Variants in NAV1 observed in about 807,000 individuals in gnomAD.
NAV1 encodes pore membrane and/or filament interacting like protein 3.
A neutral mutation model predicts 175.2 loss-of-function variants in NAV1; 18 were observed. The observed-to-expected ratio is 0.10, with a 90% confidence interval of 0.07 to 0.15. The LOEUF (loss-of-function observed/expected upper bound fraction) is 0.15. Ranked by LOEUF, NAV1 falls within the 10% of genes least tolerant of loss-of-function variation. NAV1 has a pLI of 1.00. For synonymous variants in NAV1, 897 were observed against 978.7 expected, an observed-to-expected ratio of 0.92 and a Z score of 1.56; for missense variants, 1,731 against 2,436.6, an observed-to-expected ratio of 0.71 and a Z score of 6.10.
exon 1 of NAV1, chr1:201,648,837 G>T (rs1160906806): frequency 6.2e-7 from 1 of 1,607,232 alleles, no homozygotes; most frequent in African/African-American, 1.3e-5. Context: ...CGGCGGCATG[G>T]CCAAGGCCAG....
At chr1:201,690,103 C>T (rs1291046153) in intron 1 of NAV1, among the ~76,000 whole-genome samples, 11 of 124,062 alleles carry the variant, frequency 8.9e-5, no homozygotes, top group Non-Finnish European at 1.0e-4. Context: ...CTGGCCTGTC[C>T]GTGGCAGAGT....
intron 1 of NAV1, among the ~76,000 whole-genome samples, chr1:201,546,910 A>C (rs1384289458): frequency 1.3e-5 from 2 of 152,144 alleles, no homozygotes; most frequent in East Asian, 3.9e-4. Flanking sequence ...TCTCAAAAAA[A>C]AAAAAAAAAA....
rs991242248 is a variant in NAV1 at position 201,561,653 on chromosome 1, C to T, written c.-144+22311C>T. On this transcript the variant is annotated intron_variant, in intron 1 of 33. Coordinates refer to the NAV1 transcript ENST00000685211. Reference sequence around the variant, plus strand: ...GGACATTGGAAGCTCCCCACAGATACAGAAGTTTTTCCCTATTAGGCAGTA... The same window carrying T: ...GGACATTGGAAGCTCCCCACAGATATAGAAGTTTTTCCCTATTAGGCAGTA... Among the ~76,000 whole-genome samples, 4 of 152,228 alleles carry T rather than the reference C, an allele frequency of 2.6e-5. 1 individual carries two copies. In the South Asian group the frequency reaches 8.3e-4, roughly 31 times the overall value.
chr1:201,549,843 T>C (rs1665797783), intron 1 of NAV1, among the ~76,000 whole-genome samples: 1 of 151,152 alleles, frequency 6.6e-6, no homozygotes, highest in Non-Finnish European at 1.5e-5. Context: ...ACCCTGTCTC[T>C]ACTAAAAATA....
intron 1 of NAV1, among the ~76,000 whole-genome samples, chr1:201,658,963 A>G (rs1558043966): frequency 1.3e-5 from 2 of 152,188 alleles, no homozygotes; most frequent in South Asian, 2.1e-4. Context: ...TTCCTTTGGT[A>G]TGCCACCAGG....
At chr1:201,693,669 G>C (rs554148365) in intron 1 of NAV1, among the ~76,000 whole-genome samples, 1 of 152,268 alleles carries the variant, frequency 6.6e-6, no homozygotes, top group South Asian at 2.1e-4. Context: ...GGCATTGAGG[G>C]CTGGGGAGAA....
upstream of NAV1, among the ~76,000 whole-genome samples, chr1:201,645,259 G>A (rs1668938481): frequency 6.6e-6 from 1 of 151,930 alleles, no homozygotes; most frequent in African/African-American, 2.4e-5. Context: ...TAGGGACATG[G>A]ATGAAACTGG....
intron 3 of NAV1, among the ~76,000 whole-genome samples, chr1:201,751,757 T>TCCATTCATTC (rs1315189234): frequency 6.6e-6 from 1 of 152,224 alleles, no homozygotes; most frequent in Non-Finnish European, 1.5e-5. Flanking sequence ...TATTCTTTCC[T>TCCATTCATTC]CCATTCATTC....
chr1:201,802,755 G>A (rs1044493992), intron 15 of NAV1, among the ~76,000 whole-genome samples: 1 of 151,818 alleles, frequency 6.6e-6, no homozygotes, highest in African/African-American at 2.4e-5. Context: ...CTCCAGCCTG[G>A]GTGACAGAGC....
At position 201,805,222 on chromosome 1, in the gene NAV1, G is replaced by A. The variant is rs556268213; in HGVS notation, c.3648+725G>A. On this transcript the variant is annotated intron_variant, in intron 17 of 29. Transcript: ENST00000367296. ...ATGGAATCTATAATCTCGTCATTAA[G>A]AAGGCTGCAGTATTACTGGGGAGAC... 2.6e-4 allele frequency among the ~76,000 whole-genome samples: 39 copies of A among 152,310 alleles called. No individual in the cohort carries two copies. The East Asian group carries it at 3.7e-3, about 14-fold the overall frequency.
intron 11 of NAV1, among the ~76,000 whole-genome samples, 199 bp downstream of exon 15, chr1:201,789,991 T>C (rs1023836083): frequency 6.6e-6 from 1 of 152,164 alleles, no homozygotes; most frequent in African/African-American, 2.4e-5. Flanking sequence ...CAGTGGTCTT[T>C]CTGGCCCCAC....
At chr1:201,563,059 C>T (rs1176265572) in intron 1 of NAV1, among the ~76,000 whole-genome samples, 2 of 152,104 alleles carry the variant, frequency 1.3e-5, no homozygotes, top group African/African-American at 2.4e-5. Flanking sequence ...CCTGAGCCTC[C>T]CAATTGAAAT....
chr1:201,629,335 A>C (rs1668422022), intron 1 of NAV1, 69 bp from the exon 4 acceptor site: 1 of 1,112,256 alleles, frequency 9.0e-7, no homozygotes. Flanking sequence ...GGGTTTTCTT[A>C]GCCCCATGGA....
At chr1:201,588,649 G>A (rs1268431450) in exon 2 of NAV1, among the ~76,000 whole-genome samples, 5 of 151,792 alleles carry the variant, frequency 3.3e-5, no homozygotes, top group East Asian at 1.9e-4. Context: ...CACACACCCA[G>A]GTATGAGTTT....
Position 201,588,350 on chromosome 1 carries a change from G to A in NAV1, c.-143-189G>A, listed in dbSNP as rs76961344. On this transcript the variant is annotated intron_variant, in intron 1 of 33. Coordinates refer to the NAV1 transcript ENST00000685211. Reference sequence around the variant, plus strand: ...TATGATTTTATTCATATGAGTTTTTGTTTGTTTGTTTTTAAGAGATAGGGT... The same window carrying A: ...TATGATTTTATTCATATGAGTTTTTATTTGTTTGTTTTTAAGAGATAGGGT... Among the ~76,000 whole-genome samples, 7 of 152,164 alleles carry A rather than the reference G, an allele frequency of 4.6e-5. No individual in the cohort carries two copies. The East Asian group carries it at 1.3e-3, about 29-fold the overall frequency.
intron 1 of NAV1, among the ~76,000 whole-genome samples, chr1:201,557,181 C>T (rs879622710): frequency 6.6e-6 from 1 of 152,222 alleles, no homozygotes; most frequent in Non-Finnish European, 1.5e-5. Context: ...CAGCCCCAAT[C>T]ATTCAGCCAG....
At chr1:201,751,017 T>C (rs1430785158) in intron 3 of NAV1, among the ~76,000 whole-genome samples, 1 of 152,232 alleles carries the variant, frequency 6.6e-6, no homozygotes, top group East Asian at 1.9e-4. Flanking sequence ...TTAAGGATTA[T>C]GCCAAAAGTC....
chr1:201,804,874 GGAAGA>G (rs1379748076), intron 17 of NAV1, among the ~76,000 whole-genome samples: 1 of 152,176 alleles, frequency 6.6e-6, no homozygotes, highest in Non-Finnish European at 1.5e-5. Context: ...GACCCAACAT[GGAAGA>G]GAGTCACTGG....
chr1:201,638,634 G>A (rs909612295), intron 2 of NAV1, among the ~76,000 whole-genome samples: 4 of 152,200 alleles, frequency 2.6e-5, no homozygotes, highest in African/African-American at 9.7e-5. Flanking sequence ...TAGCTGCATG[G>A]TAATAGCATG....
Sources: gnomAD v4.1 joint callset for allele counts (sites outside exome capture counted in the v4.1 genomes callset) on GRCh38, gnomAD v4.1.1 for gene constraint, MANE v1.5 for transcripts, NCBI Gene and HGNC (gene_info 2026-07-23, HGNC 2026-07-21) for gene names.